The following TCF7L2 variants were observed in gnomAD, a reference collection of about 807,000 sequenced individuals.
The protein encoded by TCF7L2 is transcription factor 7-like 2.
In TCF7L2, 23 loss-of-function variants were observed where a neutral mutation model predicts 77.9. The ratio of observed to expected loss-of-function variants is 0.30; its 90% CI spans 0.21 to 0.42. The LOEUF (loss-of-function observed/expected upper bound fraction) is 0.42, where lower values mean the gene tolerates loss of function less well. Ranked by LOEUF, TCF7L2 falls within the 10% of genes least tolerant of loss-of-function variation. The pLI is 1.00. For missense variants in TCF7L2, 654 were observed against 793.1 expected, an observed-to-expected ratio of 0.82 and a Z score of 2.11; for synonymous variants, 413 against 340.2, an observed-to-expected ratio of 1.21 and a Z score of -2.36.
chr10:113,073,905 C>T (rs916906872), intron 5 of TCF7L2, among the ~76,000 whole-genome samples: 2 of 152,160 alleles, frequency 1.3e-5, no homozygotes, highest in African/African-American at 2.4e-5. Flanking sequence ...AGACCACACC[C>T]CAGGAATGAT....
intron 4 of TCF7L2, among the ~76,000 whole-genome samples, chr10:113,035,039 T>C (rs920715269): frequency 2.9e-4 from 44 of 151,946 alleles, no homozygotes; most frequent in African/African-American, 1.0e-3. Context: ...CTCTCTTTCT[T>C]TCAACAGGGT....
At chr10:113,112,701 A>C (rs2063283704) in intron 5 of TCF7L2, among the ~76,000 whole-genome samples, 2 of 152,246 alleles carry the variant, frequency 1.3e-5, no homozygotes, top group Admixed American at 1.3e-4. Context: ...TTTATTTGTT[A>C]ATGAAAACCA....
intron 5 of TCF7L2, among the ~76,000 whole-genome samples, chr10:113,068,442 T>C (rs1267965914): frequency 6.6e-6 from 1 of 151,968 alleles, no homozygotes; most frequent in Non-Finnish European, 1.5e-5. Flanking sequence ...GGATGGGAGG[T>C]GGCCTTTTGG....
At chr10:112,975,298 A>C (rs187373620) in intron 4 of TCF7L2, among the ~76,000 whole-genome samples, 1 of 152,112 alleles carries the variant, frequency 6.6e-6, no homozygotes, top group African/African-American at 2.4e-5. Flanking sequence ...CATTCCACCC[A>C]GATTGAGGCT....
chr10:113,094,158 T>C (rs554600417), intron 5 of TCF7L2, among the ~76,000 whole-genome samples: 36 of 152,320 alleles, frequency 2.4e-4, no homozygotes, highest in African/African-American at 8.4e-4. Context: ...AACCTCTCAA[T>C]CTAGAAATTT....
chr10:112,985,315 T>C (rs916946698), intron 4 of TCF7L2, among the ~76,000 whole-genome samples: 24 of 152,150 alleles, frequency 1.6e-4, no homozygotes, highest in African/African-American at 5.8e-4. Flanking sequence ...ATGAACCCTA[T>C]TCTCCTTGTC....
At chr10:113,107,033 T>C (rs2062416411) in intron 5 of TCF7L2, among the ~76,000 whole-genome samples, 1 of 152,242 alleles carries the variant, frequency 6.6e-6, no homozygotes, top group African/African-American at 2.4e-5. Context: ...AGCTGTCTTC[T>C]GCCCTTAGCA....
chr10:113,008,687 A>G (rs1431606327), intron 4 of TCF7L2, among the ~76,000 whole-genome samples: 2 of 152,214 alleles, frequency 1.3e-5, no homozygotes, highest in Non-Finnish European at 2.9e-5. Context: ...ACACATTAGT[A>G]TAATCCCGTA....
Position 113,018,552 on chromosome 10 carries a change from A to G in TCF7L2, c.451-21473A>G, listed in dbSNP as rs77620608. On this transcript the variant is annotated intron_variant, in intron 4 of 13. Coordinates refer to ENST00000627217, the MANE Select transcript of TCF7L2 (RefSeq NM_001146274.2). ...AACCGCTGCCTCCCAGGTTCAAGCA[A>G]TCTACAAAATGCATCTATAAAATGA... is the stretch of plus-strand genomic sequence containing the variant. Among the ~76,000 whole-genome samples, 312 of 150,734 alleles carry G rather than the reference A, an allele frequency of 2.1e-3. 7 individuals carry two copies. The East Asian group carries it at 0.053, about 26-fold the overall frequency.
chr10:113,042,597 C>T (rs907192808), intron 5 of TCF7L2, among the ~76,000 whole-genome samples: 6 of 152,154 alleles, frequency 3.9e-5, no homozygotes, highest in Non-Finnish European at 1.5e-5. Context: ...CTTCACCTGA[C>T]ACCAGGGGTG....
intron 4 of TCF7L2, among the ~76,000 whole-genome samples, chr10:112,990,152 T>A (rs1157583853): frequency 6.6e-6 from 1 of 152,222 alleles, no homozygotes; most frequent in Non-Finnish European, 1.5e-5. Flanking sequence ...CATTTCTTCA[T>A]GGAATTAGAC....
intron 4 of TCF7L2, among the ~76,000 whole-genome samples, chr10:112,999,927 T>A (rs576233642): frequency 3.3e-5 from 5 of 152,310 alleles, no homozygotes; most frequent in Admixed American, 3.3e-4. Context: ...CTGGATCTTG[T>A]TTTCTCATCT....
chr10:113,062,085 A>G (rs1012692346), intron 5 of TCF7L2, among the ~76,000 whole-genome samples: 5 of 152,200 alleles, frequency 3.3e-5, no homozygotes, highest in African/African-American at 1.2e-4. Context: ...GTTGTACACC[A>G]TGACTGGAAT....
chr10:112,962,951 G>T (rs903928690), intron 3 of TCF7L2, among the ~76,000 whole-genome samples: 1 of 152,120 alleles, frequency 6.6e-6, no homozygotes, highest in African/African-American at 2.4e-5. Flanking sequence ...CTGTGTGTGG[G>T]GGACAGATCT....
At chr10:112,966,532 C>T (rs891895583) in intron 4 of TCF7L2, among the ~76,000 whole-genome samples, 2 of 152,024 alleles carry the variant, frequency 1.3e-5, no homozygotes, top group African/African-American at 2.4e-5. Flanking sequence ...TGTACCATGT[C>T]GAGGCCTCCT....
At chr10:113,034,142 A>G (rs1039440711) in intron 4 of TCF7L2, among the ~76,000 whole-genome samples, 4 of 152,234 alleles carry the variant, frequency 2.6e-5, no homozygotes, top group South Asian at 2.1e-4. Flanking sequence ...TCTTTAACAG[A>G]AATGTTTGTG....
Position 112,971,499 on chromosome 10 carries a change from G to T in TCF7L2, c.450+6875G>T, listed in dbSNP as rs185608626. 2.9e-3 allele frequency among the ~76,000 whole-genome samples: 444 copies of T among 151,702 alleles called. 3 individuals carry two copies. The highest frequency in any genetic ancestry group is 0.01 in the African/African-American group (417 of 41,340). ...AATTTTTGTATTTTTAGTAAAGACG[G>T]GGGTTTCACCATGTTGGCCAGGCTG... On this transcript the variant is annotated intron_variant, in intron 4 of 13. Transcript: ENST00000627217.
chr10:113,082,607 G>T (rs2059421926), intron 5 of TCF7L2, among the ~76,000 whole-genome samples: 2 of 152,068 alleles, frequency 1.3e-5, no homozygotes, highest in Admixed American at 1.3e-4. Context: ...TTGTGTGTGT[G>T]TGTGTGTGTG....
intron 4 of TCF7L2, 132 bp downstream of exon 4, chr10:112,964,756 G>T: frequency 1.2e-6 from 1 of 834,790 alleles, no homozygotes; most frequent in Non-Finnish European, 1.8e-6. Context: ...TGGTGGTGGT[G>T]GTGATGGTGG....
Sources: gnomAD v4.1 joint callset for allele counts (sites outside exome capture counted in the v4.1 genomes callset) on GRCh38, gnomAD v4.1.1 for gene constraint, MANE v1.5 for transcripts, NCBI Gene and HGNC (gene_info 2026-07-23, HGNC 2026-07-21) for gene names.